Variants in DDX1 observed in about 807,000 individuals in gnomAD.
DDX1 encodes the protein ATP-dependent RNA helicase DDX1.
A neutral mutation model predicts 108.7 loss-of-function variants in DDX1; 28 were observed. The observed-to-expected ratio is 0.26, with a 90% CI of 0.19 to 0.35. DDX1 has a LOEUF of 0.35. Ranked by LOEUF, DDX1 falls within the 10% of genes least tolerant of loss-of-function variation. The pLI, the probability that DDX1 is intolerant of heterozygous loss-of-function variation, is 1.00. For missense variants in DDX1, 710 were observed against 884.5 expected, an observed-to-expected ratio of 0.80 and a Z score of 2.50; for synonymous variants, 295 against 288.9, an observed-to-expected ratio of 1.02 and a Z score of -0.21.
At chr2:15,592,633 C>T (rs1205839354) in intron 1 of DDX1, among the ~76,000 whole-genome samples, 1 of 152,092 alleles carries the variant, frequency 6.6e-6, no homozygotes, top group Non-Finnish European at 1.5e-5. Context: ...CTTATCGAAC[C>T]CTACAGTTGA....
At chr2:15,623,982 G>A (rs1451953117) in intron 19 of DDX1, among the ~76,000 whole-genome samples, 2 of 152,064 alleles carry the variant, frequency 1.3e-5, no homozygotes, top group East Asian at 3.8e-4. Flanking sequence ...AATAAAATGA[G>A]AAAAATTATG....
At chr2:15,600,053 G>A (rs4668455) in intron 6 of DDX1, among the ~76,000 whole-genome samples, 36,815 of 152,178 alleles carry the variant, frequency 0.24, 5,523 homozygotes, top group African/African-American at 0.43. Flanking sequence ...TAAATTCCAT[G>A]TGTATTTAGG....
chr2:15,606,423 A>T (rs937337244), intron 12 of DDX1, among the ~76,000 whole-genome samples, 159 bp downstream of exon 12: 5 of 152,218 alleles, frequency 3.3e-5, no homozygotes, highest in African/African-American at 1.2e-4. Flanking sequence ...TTTAAAACCT[A>T]ATTCATAAAC....
Position 15,615,128 on chromosome 2 carries a change from A to G in DDX1, c.1017+1844A>G, listed in dbSNP as rs183322425. Among the ~76,000 whole-genome samples the G allele has an allele frequency of 2.0e-3, 304 of 152,036 alleles. 4 individuals carry two copies. Among genetic ancestry groups the G allele is most frequent in the African/African-American group, 7.0e-3 (290 of 41,442 alleles). ...CTCTGCTTCTGTTATCTTCCACCACACTCTGGTTCAGCCTTAGCCCTGTGT... is the reference window on the plus strand; with the variant it reads ...CTCTGCTTCTGTTATCTTCCACCACGCTCTGGTTCAGCCTTAGCCCTGTGT... On this transcript the variant is annotated intron_variant, in intron 14 of 25. Transcript: ENST00000233084.
chr2:15,627,243 C>T (rs1666113948), intron 20 of DDX1, 98 bp downstream of exon 20: 1 of 651,792 alleles, frequency 1.5e-6, no homozygotes, highest in Admixed American at 3.4e-5. Flanking sequence ...AATTATTGTC[C>T]TAGAAATTTC....
In DDX1 at chr2:15,631,076, C is replaced by T; in HGVS notation, c.*170C>T. 1 of 515,494 alleles carries T rather than the reference C, an allele frequency of 1.9e-6. No individual in the cohort carries two copies. The highest frequency in any genetic ancestry group is 3.2e-6 in the Non-Finnish European group (1 of 309,938). 31.9% of individuals were successfully genotyped at this position (515,494 alleles called of 1,614,324 possible). ...AGGAATTCTTCAAAAAATGGCATCC[C>T]AATGAAAATAAATTTGATGACTATA... On this transcript the variant is annotated 3_prime_UTR_variant, in exon 26 of 26. Transcript: ENST00000233084.
chr2:15,612,763 G>C (rs1332686712), intron 13 of DDX1, among the ~76,000 whole-genome samples: 2 of 152,238 alleles, frequency 1.3e-5, no homozygotes, highest in Non-Finnish European at 2.9e-5. Flanking sequence ...CCGGCACCTC[G>C]GGAGGCCGAG....
intron 24 of DDX1, 118 bp downstream of exon 24, chr2:15,629,815 G>C (rs1375205317): frequency 9.6e-7 from 1 of 1,040,032 alleles, no homozygotes. Flanking sequence ...GAAAGTCGTA[G>C]TTGGTTATAA....
chr2:15,630,874 T>C lies in DDX1; in HGVS notation c.2191T>C (p.Tyr731His), dbSNP rs1239184395. Residue 731 changes from tyrosine (Y) to histidine (H), a missense_variant, in exon 26 of 26, where the codon TAC becomes CAC. Physicochemically the swap from Tyr to His is moderately conservative, Grantham distance 83. This residue lies in a region of DDX1 where 661 missense variants were observed against 810.2 expected (regional missense o/e 0.82). Transcript: ENST00000233084. Reference sequence around the variant, plus strand: ...GCAGACATCTTTCCTGCATCTTGGCTACCTTCCTAACCAGCTGTTCAGAAC... The same window carrying C: ...GCAGACATCTTTCCTGCATCTTGGCCACCTTCCTAACCAGCTGTTCAGAAC... ...EAQTSFLHLG[Y>H]LPNQLFRTF is the part of the protein sequence containing the mutation. The C allele has an allele frequency of 3.1e-6, 5 of 1,614,176 alleles. No homozygotes were observed. The highest frequency in any genetic ancestry group is 4.2e-6 in the Non-Finnish European group (5 of 1,180,004).
rs1665615459 is a variant in DDX1, at chr2:15,603,268, G to A, written c.468G>A (p.Leu156=). Reference sequence around the variant, plus strand: ...GGTGGTCTACCATGCAGGCCTCTTTGGACCTAGGTAAGTGTTTCTAAAATA... The same window carrying A: ...GGTGGTCTACCATGCAGGCCTCTTTAGACCTAGGTAAGTGTTTCTAAAATA... ...RVGWSTMQAS[L]DLGTDKFGFG... The change falls in exon 8 of 26, where the codon TTG becomes TTA. Residue 156 remains leucine, a synonymous_variant. Transcript: ENST00000233084. 1.9e-6 allele frequency: 3 copies of A among 1,608,080 alleles called. No individual in the cohort carries two copies. In the East Asian group the frequency reaches 6.7e-5, roughly 36 times the overall value.
rs79414070 is a variant in DDX1 at position 15,628,942 on chromosome 2, G to A, written c.1875+103G>A. 4.9e-3 allele frequency: 5,275 copies of A among 1,087,574 alleles called. 166 individuals carry two copies. The African/African-American group carries it at 0.065, about 13-fold the overall frequency. 67.4% of individuals were successfully genotyped at this position (1,087,574 alleles called of 1,614,324 possible). A position where few individuals can be genotyped will look rare whatever the true frequency, so the allele number is the denominator to read the frequency against. The stretch of plus-strand genomic sequence containing the variant: ...TCCCATTTAAATTTAATTCAGCTGC[G>A]TATGGAATACAAATGAACTTTTTAA... On this transcript the variant is annotated intron_variant, in intron 23 of 25. Coordinates refer to ENST00000233084, the MANE Select transcript of DDX1 (RefSeq NM_004939.3).
Position 15,620,296 on chromosome 2 carries a change from AAGG to A in DDX1, c.1298_1300del (p.Gly433del), listed in dbSNP as rs1489422638. On this transcript the variant is annotated inframe_deletion, in exon 17 of 26. Coordinates refer to ENST00000233084, the MANE Select transcript of DDX1 (RefSeq NM_004939.3). ...CATTTTCCTACATGGGTTGACTTAAAAGGAGAAGACTCTGTTCCAGATACTGTA... is the reference window on the plus strand; with the variant it reads ...CATTTTCCTACATGGGTTGACTTAAAAGAAGACTCTGTTCCAGATACTGTA... 2 of 1,613,914 alleles carry A rather than the reference AAGG, an allele frequency of 1.2e-6. No homozygotes were observed. The highest frequency in any genetic ancestry group is 1.7e-6 in the Non-Finnish European group (2 of 1,179,926).
chr2:15,592,572 A>G (rs1331921815), intron 1 of DDX1, among the ~76,000 whole-genome samples: 1 of 152,156 alleles, frequency 6.6e-6, no homozygotes. Flanking sequence ...GAAAATTCAT[A>G]TTTATTTGCC....
chr2:15,629,784 A>G (rs1666163287), intron 24 of DDX1, 87 bp downstream of exon 24: 1 of 1,151,706 alleles, frequency 8.7e-7, no homozygotes, highest in African/African-American at 1.6e-5. Flanking sequence ...CTTGGCTTTT[A>G]TCTGTTTGTC....
chr2:15,612,429 C>G (rs1184983832), intron 13 of DDX1, among the ~76,000 whole-genome samples: 2 of 151,364 alleles, frequency 1.3e-5, no homozygotes, highest in Non-Finnish European at 2.9e-5. Context: ...AAGAGGCGCT[C>G]CTCACTTCCT....
At chr2:15,610,412 T>C (rs1665732281) in intron 13 of DDX1, among the ~76,000 whole-genome samples, 1 of 152,258 alleles carries the variant, frequency 6.6e-6, no homozygotes, top group South Asian at 2.1e-4. Flanking sequence ...CATTTAGGTC[T>C]GTGATACATT....
chr2:15,604,275 C>G (rs1201691445), intron 9 of DDX1, among the ~76,000 whole-genome samples, 162 bp from the exon 10 acceptor site: 1 of 152,208 alleles, frequency 6.6e-6, no homozygotes, highest in Non-Finnish European at 1.5e-5. Flanking sequence ...TTGATTCTAA[C>G]AAGCCTGTCA....
chr2:15,598,482 C>T (rs565940351), intron 5 of DDX1, among the ~76,000 whole-genome samples: 1 of 152,162 alleles, frequency 6.6e-6, no homozygotes, highest in South Asian at 2.1e-4. Flanking sequence ...GAAATTTAAA[C>T]ATGGAGAAGA....
chr2:15,614,266 G>C (rs370668214), intron 14 of DDX1, among the ~76,000 whole-genome samples: 1 of 152,152 alleles, frequency 6.6e-6, no homozygotes, highest in African/African-American at 2.4e-5. Context: ...TAAACCATCC[G>C]ATATTGAGTC....
Sources: allele counts gnomAD v4.1 joint callset (sites outside exome capture counted in the v4.1 genomes callset), GRCh38; gene constraint gnomAD v4.1.1; regional missense constraint gnomAD v4.1.1; transcripts MANE v1.5; gene names NCBI Gene and HGNC (gene_info 2026-07-23, HGNC 2026-07-21).